NUP133: variants seen among roughly 807,000 people sequenced by gnomAD.
NUP133 encodes the protein nuclear pore complex protein Nup133.
NUP133 carries 66 observed loss-of-function variants against 146.2 expected under a neutral mutation model. The observed-to-expected ratio is 0.45, with a 90% CI of 0.37 to 0.55. The LOEUF (loss-of-function observed/expected upper bound fraction) is 0.55, where lower values mean the gene tolerates loss of function less well. Ranked by LOEUF, NUP133 falls within the 20% of genes least tolerant of loss-of-function variation. The pLI is 0.00. For missense variants in NUP133, 1,277 were observed against 1,374.8 expected, an observed-to-expected ratio of 0.93 and a Z score of 1.12; for synonymous variants, 521 against 498.8, an observed-to-expected ratio of 1.04 and a Z score of -0.59.
chr1:229,506,306 C>T (rs1661934522), intron 1 of NUP133, 148 bp from the exon 2 acceptor site: 1 of 467,358 alleles, frequency 2.1e-6, no homozygotes, highest in Non-Finnish European at 3.9e-6. Flanking sequence ...TAATATTTTT[C>T]ATGTAAAAAA....
At chr1:229,462,070 G>C (rs909094977) in intron 19 of NUP133, among the ~76,000 whole-genome samples, 1 of 152,226 alleles carries the variant, frequency 6.6e-6, no homozygotes, top group Admixed American at 6.5e-5. Flanking sequence ...TTTTAGAAGA[G>C]ACGGGGTTTT....
intron 23 of NUP133, among the ~76,000 whole-genome samples, chr1:229,449,685 T>C (rs1660398319): frequency 6.6e-6 from 1 of 151,256 alleles, no homozygotes; most frequent in African/African-American, 2.4e-5. Flanking sequence ...AGGGGTAAGA[T>C]TTTAAAATAA....
chr1:229,502,558 C>CAA (rs58520087), intron 2 of NUP133, among the ~76,000 whole-genome samples: 9,954 of 42,556 alleles, frequency 0.23, 1,213 homozygotes, highest in Non-Finnish European at 0.27. Flanking sequence ...GACTCCATCT[C>CAA]AAAAAAAAAA....
intron 21 of NUP133, among the ~76,000 whole-genome samples, chr1:229,455,708 T>A (rs1660544551): frequency 6.6e-6 from 1 of 152,192 alleles, no homozygotes; most frequent in Admixed American, 6.5e-5. Context: ...TGTATATAGG[T>A]AATTTTTTTT....
At chr1:229,495,384 C>G (rs1558106919) in intron 8 of NUP133, 111 bp downstream of exon 8, 2 of 732,652 alleles carry the variant, frequency 2.7e-6, no homozygotes, top group South Asian at 1.7e-5. Context: ...GAGTGAGACC[C>G]TGTCTCCAAA....
intron 21 of NUP133, among the ~76,000 whole-genome samples, chr1:229,453,361 T>A (rs1660497982): frequency 6.6e-6 from 1 of 152,242 alleles, no homozygotes; most frequent in Admixed American, 6.5e-5. Flanking sequence ...CAATTCCACT[T>A]CTTGTAATGT....
At chr1:229,486,293 G>T in intron 11 of NUP133, 78 bp downstream of exon 11, 1 of 1,330,002 alleles carries the variant, frequency 7.5e-7, no homozygotes, top group Non-Finnish European at 1.0e-6. Flanking sequence ...CTGCACTCTA[G>T]CCTGGGTGAC....
intron 14 of NUP133, among the ~76,000 whole-genome samples, chr1:229,474,853 A>G (rs1661038287): frequency 6.6e-6 from 1 of 152,180 alleles, no homozygotes; most frequent in African/African-American, 2.4e-5. Flanking sequence ...CTGTAACCTC[A>G]GCACCTTGGG....
At chr1:229,506,834 A>AC (rs1377118266) in intron 1 of NUP133, among the ~76,000 whole-genome samples, 82 of 151,586 alleles carry the variant, frequency 5.4e-4, no homozygotes, top group Admixed American at 3.8e-3. Flanking sequence ...AAAAAAAAAA[A>AC]AAAAAACTAT....
chr1:229,466,522 G>A (rs1660831097), intron 16 of NUP133, 112 bp downstream of exon 16: 1 of 1,150,396 alleles, frequency 8.7e-7, no homozygotes, highest in South Asian at 1.8e-5. Flanking sequence ...ATTAACAAAT[G>A]TCTACAACCT....
intron 24 of NUP133, among the ~76,000 whole-genome samples, chr1:229,446,133 G>A (rs752072234): frequency 4.6e-5 from 7 of 152,152 alleles, no homozygotes; most frequent in African/African-American, 4.8e-5. Flanking sequence ...CTTGCCAGGC[G>A]CGGTGGCTCA....
At chr1:229,487,218 T>C (rs1412000046) in intron 10 of NUP133, among the ~76,000 whole-genome samples, 1 of 152,214 alleles carries the variant, frequency 6.6e-6, no homozygotes, top group African/African-American at 2.4e-5. Flanking sequence ...CAATAGTTTT[T>C]TGCTTCTTGG....
chr1:229,504,000 T>C (rs559759344), intron 2 of NUP133, among the ~76,000 whole-genome samples: 1 of 152,264 alleles, frequency 6.6e-6, no homozygotes, highest in Admixed American at 6.5e-5. Context: ...TACATTTATT[T>C]ATTTAAAACA....
Position 229,495,997 on chromosome 1 carries a change from C to G in NUP133, c.870G>C (p.Thr290=), listed in dbSNP as rs147071617. 6 of 1,610,492 alleles carry G rather than the reference C, an allele frequency of 3.7e-6. No homozygotes were observed. The African/African-American group carries it at 4.0e-5, about 11-fold the overall frequency. The change falls in exon 7 of 26, where the codon ACG becomes ACC. Residue 290 remains threonine, a synonymous_variant. Transcript: ENST00000261396. The part of the protein sequence containing the change: ...DRERSSFYSL[T]SSNISKWELD... ...ATTCCCATTTACTGATGTTTGAACTCGTCAGGCTATAAAAGCTTGATCTCT... is the reference window on the plus strand; with the variant it reads ...ATTCCCATTTACTGATGTTTGAACTGGTCAGGCTATAAAAGCTTGATCTCT...
rs1378408120 is a variant in NUP133, at chr1:229,498,213, CCT to C, written c.740_741del (p.Gln247ArgfsTer22). 2 of 1,613,148 alleles carry C rather than the reference CCT, an allele frequency of 1.2e-6. No individual in the cohort carries two copies. Among genetic ancestry groups the C allele is most frequent in the Non-Finnish European group, 8.5e-7 (1 of 1,179,676 alleles). On this transcript the variant is annotated frameshift_variant, in exon 6 of 26. Coordinates refer to ENST00000261396, the MANE Select transcript of NUP133 (RefSeq NM_018230.3). LOFTEE classifies it high-confidence loss of function. ...SGKIHQHILP[Q>X]GQGMLSGIGR... ...CCAATTCCTGAAAGCATGCCTTGCCCCTGAGGCAGGATATGCTGATGAATCTT... is the reference window on the plus strand; with the variant it reads ...CCAATTCCTGAAAGCATGCCTTGCCCGAGGCAGGATATGCTGATGAATCTT...
At chr1:229,458,817 C>A (rs994999719) in intron 20 of NUP133, among the ~76,000 whole-genome samples, 2 of 149,612 alleles carry the variant, frequency 1.3e-5, no homozygotes, top group Non-Finnish European at 3.0e-5. Flanking sequence ...TCAAGTGATT[C>A]TCCTGCCTCA....
At chr1:229,502,158 C>T (rs377714480) in intron 2 of NUP133, 56 bp from the exon 3 acceptor site, 17 of 1,291,648 alleles carry the variant, frequency 1.3e-5, no homozygotes, top group African/African-American at 1.2e-4. Context: ...TTTATTACCA[C>T]ACGCTTTATC....
At chr1:229,493,636 G>C (rs1661577977) in intron 8 of NUP133, among the ~76,000 whole-genome samples, 1 of 152,162 alleles carries the variant, frequency 6.6e-6, no homozygotes, top group African/African-American at 2.4e-5. Flanking sequence ...GAGGCCTCAA[G>C]AACATAATAG....
In NUP133 at chr1:229,502,122, G is replaced by A. The variant is rs1661816052; in HGVS notation, c.302-20C>T. 5 of 1,559,332 alleles carry A rather than the reference G, an allele frequency of 3.2e-6. No individual in the cohort carries two copies. The highest frequency in any genetic ancestry group is 4.4e-6 in the Non-Finnish European group (5 of 1,131,112). ...CATCGACTAAAGGAAAAAATGAGGT[G>A]GGTGATTAATCTTATAGTATAAATC... On this transcript the variant is annotated intron_variant, in intron 2 of 25. Coordinates refer to ENST00000261396, the MANE Select transcript of NUP133 (RefSeq NM_018230.3).
Sources: gnomAD v4.1 joint callset for allele counts (sites outside exome capture counted in the v4.1 genomes callset) on GRCh38, gnomAD v4.1.1 for gene constraint, MANE v1.5 for transcripts, NCBI Gene and HGNC (gene_info 2026-07-23, HGNC 2026-07-21) for gene names.